The following ZC3H12D variants were observed in gnomAD, a reference collection of about 807,000 sequenced individuals.
ZC3H12D encodes zinc finger CCCH-type containing 12D.
A neutral mutation model predicts 24.2 loss-of-function variants in ZC3H12D; 11 were observed. That is an observed-to-expected ratio of 0.46 (90% CI 0.29 to 0.75). The LOEUF (loss-of-function observed/expected upper bound fraction) is 0.75. ZC3H12D is among the 30% of genes least tolerant of loss of function. The pLI is 0.11. For synonymous variants in ZC3H12D, 333 were observed against 341.8 expected (o/e 0.97, Z 0.28); for missense variants, 740 against 767.7 (o/e 0.96, Z 0.43).
chr6:149,447,818 T>C lies in ZC3H12D; in HGVS notation c.*2865A>G, dbSNP rs1775809520. 2 of 152,074 alleles carry C rather than the reference T, an allele frequency of 1.3e-5. No homozygotes were observed. The highest frequency in any genetic ancestry group is 1.3e-4 in the Admixed American group (2 of 15,266). The allele number at this position is 152,074 out of a possible 1,614,324, so 9.4% of individuals were successfully genotyped here. A position where few individuals can be genotyped will look rare whatever the true frequency, so the allele number is the denominator to read the frequency against. On this transcript the variant is annotated 3_prime_UTR_variant, in exon 6 of 6. Transcript: ENST00000409806. ...TTTTTTGTACTTGTCTTATTCACAG[T>C]GAATCAAATAAAACAGCTTTACAGC...
intron 1 of ZC3H12D, among the ~76,000 whole-genome samples, chr6:149,480,190 CAATT>C (rs1309964945): frequency 6.6e-6 from 1 of 152,128 alleles, no homozygotes; most frequent in African/African-American, 2.4e-5. Context: ...CATTCACAAT[CAATT>C]AAAGAAAATA....
At chr6:149,484,480 A>G (rs1309991875) in intron 1 of ZC3H12D, among the ~76,000 whole-genome samples, 1 of 152,208 alleles carries the variant, frequency 6.6e-6, no homozygotes, top group African/African-American at 2.4e-5. Flanking sequence ...TTCAAAGGCC[A>G]CAGCAGGAGG....
chr6:149,451,361 GCCCGCGCCA>G lies in ZC3H12D; in HGVS notation c.897_905del (p.Gly300_Gly302del), dbSNP rs748402794. 2 of 1,479,600 alleles carry G rather than the reference GCCCGCGCCA, an allele frequency of 1.4e-6. No individual in the cohort carries two copies. Among genetic ancestry groups the G allele is most frequent in the African/African-American group, 1.5e-5 (1 of 66,552 alleles). The allele number at this position is 1,479,600 out of a possible 1,614,324, so 91.7% of individuals were successfully genotyped here. On this transcript the variant is annotated inframe_deletion, in exon 6 of 6. Transcript: ENST00000409806. ...CTCTCGGTGGCCGCTGCTCCTCGGC[GCCCGCGCCA>G]GGCCGGGCCCCTGTCTTGGCGCGGA...
In ZC3H12D at chr6:149,456,873, C is replaced by A; in HGVS notation, c.473G>T (p.Arg158Leu). The change falls in exon 4 of 6, where the codon CGG (arginine) becomes CTG (leucine). Residue 158 changes from arginine to leucine, a missense_variant. Physicochemically the swap from Arg to Leu is moderately radical, Grantham distance 102 (BLOSUM62 -2). Coordinates refer to ENST00000409806, the MANE Select transcript of ZC3H12D (RefSeq NM_207360.3). This position sits in a 1 kb window ranked among gnomAD's most constrained non-coding sequence, Gnocchi z 4.3. ...CGGCGTGTACACCAGCACCGCCTGC[C>A]GCTCCAGCTCCGCCAGCACGTGCTG... ...REQHVLAELE[R>L]QAVLVYTPSR... 1.9e-6 allele frequency: 3 copies of A among 1,604,588 alleles called. No individual in the cohort carries two copies. Among genetic ancestry groups the A allele is most frequent in the African/African-American group, 1.3e-5 (1 of 75,030 alleles).
At chr6:149,459,510 G>A (rs973736099) in intron 3 of ZC3H12D, 1 of 704,720 alleles carries the variant, frequency 1.4e-6, no homozygotes, top group Non-Finnish European at 2.6e-6. Flanking sequence ...AATATGCGCA[G>A]AAGGCTGGAG....
intron 2 of ZC3H12D, among the ~76,000 whole-genome samples, chr6:149,462,761 G>A (rs896301830): frequency 3.3e-5 from 5 of 152,182 alleles, no homozygotes; most frequent in African/African-American, 4.8e-5. Context: ...TTCGTTTTTC[G>A]CCCGTGCTGG....
chr6:149,480,620 C>T (rs1167680971), intron 1 of ZC3H12D, among the ~76,000 whole-genome samples: 1 of 152,168 alleles, frequency 6.6e-6, no homozygotes, highest in Non-Finnish European at 1.5e-5. Context: ...CCTTTAATCC[C>T]AGCTACTCAG....
chr6:149,455,284 C>T (rs1187987303), intron 4 of ZC3H12D, among the ~76,000 whole-genome samples: 2 of 152,214 alleles, frequency 1.3e-5, no homozygotes, highest in African/African-American at 4.8e-5. Flanking sequence ...CATAGCCATT[C>T]ACTCGGTCAT....
Position 149,452,219 on chromosome 6 carries a change from T to C in ZC3H12D, c.787+397A>G, listed in dbSNP as rs1775913648. Reference sequence around the variant, plus strand: ...AGGGTGCTGGGATAAAATTCTTAACTCTTCATGGATAGCAGTGACCAAAGT... The same window carrying C: ...AGGGTGCTGGGATAAAATTCTTAACCCTTCATGGATAGCAGTGACCAAAGT... On this transcript the variant is annotated intron_variant, in intron 5 of 5. Coordinates refer to ENST00000409806, the MANE Select transcript of ZC3H12D (RefSeq NM_207360.3). The surrounding 1 kb of genome is among the most constrained non-coding windows in gnomAD (Gnocchi z 4.0). 1 of 180,524 alleles carries C rather than the reference T, an allele frequency of 5.5e-6. No homozygotes were observed. Among genetic ancestry groups the C allele is most frequent in the Admixed American group, 6.2e-5 (1 of 16,248 alleles). 11.2% of individuals were successfully genotyped at this position (180,524 alleles called of 1,614,324 possible).
At chr6:149,479,837 T>C (rs1355694235) in intron 1 of ZC3H12D, among the ~76,000 whole-genome samples, 1 of 152,170 alleles carries the variant, frequency 6.6e-6, no homozygotes, top group African/African-American at 2.4e-5. Context: ...CATGCCCTAA[T>C]AGATTTTTAA....
Position 149,448,618 on chromosome 6 carries a change from A to T in ZC3H12D, c.*2065T>A, listed in dbSNP as rs1775827166. The T allele has an allele frequency of 6.6e-6, 1 of 152,232 alleles. No individual in the cohort carries two copies. The highest frequency in any genetic ancestry group is 1.5e-5 in the Non-Finnish European group (1 of 68,036). The allele number at this position is 152,232 out of a possible 1,614,324, so 9.4% of individuals were successfully genotyped here. ...CCAACTTATTTACAAAGAATGGGTC[A>T]TCTTCAGGCCTGAGATCCCAATATG... On this transcript the variant is annotated 3_prime_UTR_variant, in exon 6 of 6. Transcript: ENST00000409806.
In ZC3H12D at chr6:149,451,305, G is replaced by C; in HGVS notation, c.962C>G (p.Ala321Gly). ...GCTGTGCGCAAATGGTTCCCGGGGG[G>C]CCGCCCGGGCTCCTGCGGAGCCGCC... The part of the protein sequence containing the change: ...APGGSAGARA[A>G]PREPFAHSLP... The change falls in exon 6 of 6, where the codon GCC (alanine) becomes GGC (glycine). Residue 321 changes from alanine to glycine, a missense_variant. Transcript: ENST00000409806. 1 of 1,327,434 alleles carries C rather than the reference G, an allele frequency of 7.5e-7. No homozygotes were observed. Among genetic ancestry groups the C allele is most frequent in the Middle Eastern group, 2.9e-4 (1 of 3,508 alleles). 82.2% of individuals were successfully genotyped at this position (1,327,434 alleles called of 1,614,324 possible).
chr6:149,461,606 C>T, intron 3 of ZC3H12D: 1 of 342,886 alleles, frequency 2.9e-6, no homozygotes, highest in Non-Finnish European at 5.3e-6. Context: ...TTATTGAACG[C>T]CTAATTTTGA....
At chr6:149,463,068 G>T (rs577677863) in intron 2 of ZC3H12D, among the ~76,000 whole-genome samples, 1 of 152,078 alleles carries the variant, frequency 6.6e-6, no homozygotes, top group Non-Finnish European at 1.5e-5. Context: ...TGACTAATAC[G>T]GCTCCAAGAA....
rs1285651489 is a variant in ZC3H12D, at chr6:149,449,953, GTGTT to G, written c.*726_*729del. The G allele has an allele frequency of 6.5e-6, 1 of 153,580 alleles. No individual in the cohort carries two copies. Among genetic ancestry groups the G allele is most frequent in the African/African-American group, 2.4e-5 (1 of 41,394 alleles). The allele number at this position is 153,580 out of a possible 1,614,324, so 9.5% of individuals were successfully genotyped here. ...TGTGTGTGTGTGTGTGTGTGTGTGT[GTGTT>G]TGTGTGGTGGGGGTATGTGTGTGAA... On this transcript the variant is annotated 3_prime_UTR_variant, in exon 6 of 6. Coordinates refer to ENST00000409806, the MANE Select transcript of ZC3H12D (RefSeq NM_207360.3).
At chr6:149,479,864 C>T (rs566630635) in intron 1 of ZC3H12D, among the ~76,000 whole-genome samples, 2 of 152,270 alleles carry the variant, frequency 1.3e-5, no homozygotes, top group Admixed American at 1.3e-4. Flanking sequence ...ATGTCCAAAG[C>T]TAAAGTTATC....
chr6:149,484,496 C>T (rs1400271203), intron 1 of ZC3H12D, among the ~76,000 whole-genome samples: 1 of 152,142 alleles, frequency 6.6e-6, no homozygotes, highest in Non-Finnish European at 1.5e-5. Context: ...GGAGGTTTTA[C>T]TGAAACTGAA....
In ZC3H12D at chr6:149,461,880, A is replaced by G; in HGVS notation, c.396T>C (p.Phe132=). Residue 132 remains phenylalanine (F), a synonymous_variant, in exon 3 of 6, where the codon TTT becomes TTC. Coordinates refer to ENST00000409806, the MANE Select transcript of ZC3H12D (RefSeq NM_207360.3). ...RDRGHTYIKV[F]VPSWRKDPPR... ...GTGGGTCCTTCCTCCAGGATGGAAC[A>G]AAAACTTTGATGTAGGTGTGTCCTC... The G allele has an allele frequency of 6.3e-7, 1 of 1,595,552 alleles. No homozygotes were observed. The highest frequency in any genetic ancestry group is 8.5e-7 in the Non-Finnish European group (1 of 1,170,922).
chr6:149,479,050 G>A (rs1333335819), intron 1 of ZC3H12D, among the ~76,000 whole-genome samples: 2 of 152,142 alleles, frequency 1.3e-5, no homozygotes, highest in East Asian at 3.8e-4. Context: ...ATGTTTCCCT[G>A]CTCCCTAGGC....
Sources: allele counts gnomAD v4.1 joint callset (sites outside exome capture counted in the v4.1 genomes callset), GRCh38; gene constraint gnomAD v4.1.1; non-coding constraint Gnocchi (gnomAD v3.1); transcripts MANE v1.5; gene names NCBI Gene and HGNC (gene_info 2026-07-23, HGNC 2026-07-21).